GLI2: variants seen among roughly 807,000 people sequenced by gnomAD.
GLI2 encodes the protein transcription activator GLI2.
Under a neutral mutation model 78.9 loss-of-function variants are expected in GLI2, and 22 were observed. The ratio of observed to expected loss-of-function variants is 0.28; its 90% CI spans 0.20 to 0.40. The LOEUF is 0.40. Among genes scored for constraint, GLI2 ranks in the 10% least tolerant of loss-of-function variants. The pLI is 1.00. For synonymous variants in GLI2, 974 were observed against 963.7 expected, an observed-to-expected ratio of 1.01 and a Z score of -0.20; for missense variants, 2,097 against 2,213.2, an observed-to-expected ratio of 0.95 and a Z score of 1.05.
intron 2 of GLI2, among the ~76,000 whole-genome samples, chr2:120,850,663 C>A (rs1008907539): frequency 6.6e-6 from 1 of 152,152 alleles, no homozygotes; most frequent in African/African-American, 2.4e-5. Context: ...GCAGCTGCCC[C>A]CTCTCTACAG....
chr2:120,828,876 A>AAAG, intron 2 of GLI2, among the ~76,000 whole-genome samples: 1 of 151,696 alleles, frequency 6.6e-6, no homozygotes, highest in East Asian at 1.9e-4. Flanking sequence ...AAAAAAAAAA[A>AAAG]AGATCATCCA....
chr2:120,772,606 A>G (rs1288036668), intron 1 of GLI2, among the ~76,000 whole-genome samples: 1 of 152,236 alleles, frequency 6.6e-6, no homozygotes, highest in African/African-American at 2.4e-5. Flanking sequence ...AGAGGTTCCC[A>G]GGTCTGCCTG....
chr2:120,878,363 G>A (rs1335502390), intron 2 of GLI2, among the ~76,000 whole-genome samples: 1 of 152,220 alleles, frequency 6.6e-6, no homozygotes, highest in Non-Finnish European at 1.5e-5. Flanking sequence ...TTAGGTCCAG[G>A]AAGAGCTGCC....
chr2:120,780,530 C>G (rs1479323684), intron 1 of GLI2, among the ~76,000 whole-genome samples: 2 of 152,202 alleles, frequency 1.3e-5, no homozygotes, highest in African/African-American at 4.8e-5. Context: ...CGTTTGCTCC[C>G]CTTCCCAGCA....
chr2:120,938,147 G>A (rs768610777), intron 3 of GLI2, among the ~76,000 whole-genome samples: 2 of 152,114 alleles, frequency 1.3e-5, no homozygotes, highest in African/African-American at 2.4e-5. Flanking sequence ...CAGTTCACCT[G>A]GAGAGGGCCT....
intron 3 of GLI2, among the ~76,000 whole-genome samples, chr2:120,929,481 T>A (rs906021719): frequency 1.3e-5 from 2 of 152,238 alleles, no homozygotes; most frequent in African/African-American, 2.4e-5. Context: ...TTTGTCCACA[T>A]TTAGTGGTTG....
intron 2 of GLI2, among the ~76,000 whole-genome samples, chr2:120,898,940 C>A (rs914576565): frequency 2.6e-5 from 4 of 152,112 alleles, no homozygotes; most frequent in African/African-American, 9.7e-5. Context: ...GTTAGAAAAG[C>A]CAGGAGCTAT....
At chr2:120,843,729 C>T (rs1309590634) in intron 2 of GLI2, among the ~76,000 whole-genome samples, 5 of 152,058 alleles carry the variant, frequency 3.3e-5, no homozygotes, top group East Asian at 1.9e-4. Flanking sequence ...TGCAATGGCA[C>T]GATCTCGACT....
chr2:120,926,735 C>T (rs768567529), intron 2 of GLI2, among the ~76,000 whole-genome samples: 3 of 152,192 alleles, frequency 2.0e-5, no homozygotes, highest in Non-Finnish European at 2.9e-5. Context: ...CACGTGCTGG[C>T]GTTTTCGATC....
At chr2:120,797,718 T>C (rs1349056360) in intron 2 of GLI2, among the ~76,000 whole-genome samples, 1 of 138,270 alleles carries the variant, frequency 7.2e-6, no homozygotes, top group African/African-American at 2.8e-5. Context: ...GCCTGAGTAC[T>C]GGGAGGGGAG....
intron 5 of GLI2, among the ~76,000 whole-genome samples, chr2:120,959,319 A>G (rs1681428861): frequency 6.6e-6 from 1 of 152,244 alleles, no homozygotes; most frequent in East Asian, 1.9e-4. Flanking sequence ...AGTCCACCTG[A>G]GGAGGGATAT....
chr2:120,877,566 C>T (rs1688820553), intron 2 of GLI2, among the ~76,000 whole-genome samples: 1 of 152,182 alleles, frequency 6.6e-6, no homozygotes, highest in South Asian at 2.1e-4. Flanking sequence ...ATACTTCTGA[C>T]TTCTGAGAGC....
intron 1 of GLI2, among the ~76,000 whole-genome samples, chr2:120,765,339 C>T (rs570273408): frequency 2.2e-4 from 34 of 152,360 alleles, no homozygotes; most frequent in African/African-American, 7.9e-4. Flanking sequence ...GCTGCACAGC[C>T]GATGGCTGAC....
chr2:120,894,015 C>G (rs1677814249), intron 2 of GLI2, among the ~76,000 whole-genome samples: 1 of 152,248 alleles, frequency 6.6e-6, no homozygotes. Flanking sequence ...AATAAACTCG[C>G]TTTCTTCCCA....
In GLI2 at chr2:120,973,183, ATTC is replaced by A. The variant is rs568533368; in HGVS notation, c.1182+1125_1182+1127del. On this transcript the variant is annotated intron_variant, in intron 8 of 13. Transcript: ENST00000361492. Reference sequence around the variant, plus strand: ...AAGCAAGCAGAGAGGTTGATGACAAATTCTTCTCCCCTTGCTGACACCAAAGCC... The same window carrying A: ...AAGCAAGCAGAGAGGTTGATGACAAATTCTCCCCTTGCTGACACCAAAGCC... Among the ~76,000 whole-genome samples, 25 of 152,346 alleles carry A rather than the reference ATTC, an allele frequency of 1.6e-4. No individual in the cohort carries two copies. The East Asian group carries it at 4.6e-3, about 28-fold the overall frequency.
chr2:120,861,228 C>G (rs1193683646), intron 2 of GLI2, among the ~76,000 whole-genome samples: 2 of 152,222 alleles, frequency 1.3e-5, no homozygotes, highest in Non-Finnish European at 2.9e-5. Context: ...CCATTCTGTG[C>G]TGTCTGTTCA....
intron 2 of GLI2, among the ~76,000 whole-genome samples, chr2:120,842,475 G>A (rs149929273): frequency 5.3e-5 from 8 of 152,008 alleles, no homozygotes; most frequent in Admixed American, 3.3e-4. Flanking sequence ...TTTATTTAAC[G>A]AGTCTCCCTC....
chr2:120,771,312 A>C (rs1046302295), intron 1 of GLI2, among the ~76,000 whole-genome samples: 1 of 152,130 alleles, frequency 6.6e-6, no homozygotes, highest in Non-Finnish European at 1.5e-5. Context: ...AAGGAATGAG[A>C]GCTATGCTGT....
At chr2:120,922,158 A>G (rs1345557880) in intron 2 of GLI2, among the ~76,000 whole-genome samples, 1 of 152,214 alleles carries the variant, frequency 6.6e-6, no homozygotes, top group East Asian at 1.9e-4. Flanking sequence ...AGTGCCTGCC[A>G]CATAGCAAAT....
Sources: allele counts gnomAD v4.1 joint callset (sites outside exome capture counted in the v4.1 genomes callset), GRCh38; gene constraint gnomAD v4.1.1; transcripts MANE v1.5; gene names NCBI Gene and HGNC (gene_info 2026-07-23, HGNC 2026-07-21).